PIEZO2: variants seen among roughly 807,000 people sequenced by gnomAD.
The protein encoded by PIEZO2 is piezo type mechanosensitive ion channel component 2, also known as piezo-type mechanosensitive ion channel component 2.
PIEZO2 carries 172 observed loss-of-function variants against 337.3 expected under a neutral mutation model. The observed-to-expected ratio is 0.51, with a 90% confidence interval of 0.45 to 0.58. PIEZO2 has a LOEUF of 0.58. PIEZO2 is among the 20% of genes least tolerant of loss of function. The pLI, the probability that PIEZO2 is intolerant of heterozygous loss-of-function variation, is 0.00. For missense variants in PIEZO2, 3,028 were observed against 3,391.3 expected (o/e 0.89, Z 2.66); for synonymous variants, 1,251 against 1,228.5 (o/e 1.02, Z -0.38).
chr18:11,026,578 T>C (rs1057258542), intron 2 of PIEZO2, among the ~76,000 whole-genome samples: 18 of 152,310 alleles, frequency 1.2e-4, no homozygotes, highest in African/African-American at 4.3e-4. Context: ...CTCTTGCTGT[T>C]ATTGGCCTAT....
intron 5 of PIEZO2, among the ~76,000 whole-genome samples, chr18:10,865,463 A>G (rs1347918733): frequency 6.6e-6 from 1 of 152,186 alleles, no homozygotes; most frequent in Non-Finnish European, 1.5e-5. Flanking sequence ...CTGATTTCAG[A>G]CAGAATTTGA....
intron 17 of PIEZO2, among the ~76,000 whole-genome samples, chr18:10,782,791 C>T (rs1331163845): frequency 2.6e-5 from 4 of 151,994 alleles, no homozygotes; most frequent in Non-Finnish European, 4.4e-5. Flanking sequence ...ATAGAACCTA[C>T]ATCTTGACGT....
intron 4 of PIEZO2, among the ~76,000 whole-genome samples, chr18:10,880,719 C>T (rs188922102): frequency 7.3e-5 from 11 of 151,464 alleles, no homozygotes; most frequent in African/African-American, 2.4e-4. Flanking sequence ...TTGTCTTAAA[C>T]TTAAATATGA....
intron 3 of PIEZO2, among the ~76,000 whole-genome samples, chr18:10,920,613 T>G (rs562422264): frequency 3.9e-4 from 59 of 152,280 alleles, no homozygotes; most frequent in African/African-American, 1.4e-3. Flanking sequence ...CAGGTTTCCA[T>G]GACTTCAAGT....
intron 47 of PIEZO2, 63 bp from the exon 48 acceptor site, chr18:10,691,446 G>A (rs2034822657): frequency 9.8e-6 from 15 of 1,524,814 alleles, no homozygotes; most frequent in East Asian, 4.6e-5. Flanking sequence ...AAGGATGGCA[G>A]TGTCAAATTA....
At chr18:10,820,265 C>G (rs191699847) in intron 7 of PIEZO2, among the ~76,000 whole-genome samples, 9 of 151,182 alleles carry the variant, frequency 6.0e-5, no homozygotes, top group African/African-American at 1.9e-4. Context: ...ATACATTTGT[C>G]TATGCCCACA....
rs1233886530 is a variant in PIEZO2, at chr18:10,862,036, TAAAAC to T, written c.493-4830_493-4826del. Among the ~76,000 whole-genome samples the T allele has an allele frequency of 6.6e-6, 1 of 151,632 alleles. No individual in the cohort carries two copies. Among genetic ancestry groups the T allele is most frequent in the African/African-American group, 2.4e-5 (1 of 41,256 alleles). On this transcript the variant is annotated intron_variant, in intron 5 of 55. Coordinates refer to ENST00000674853, the MANE Select transcript of PIEZO2 (RefSeq NM_001378183.1). The surrounding 1 kb of genome is among the most constrained non-coding windows in gnomAD (Gnocchi z 4.4). Reference sequence around the variant, plus strand: ...CAATCTCAAAAAAAAAATTAATAAATAAAACAAAATAATAAAAAATAAAATAGTTA... The same window carrying T: ...CAATCTCAAAAAAAAAATTAATAAATAAAATAATAAAAAATAAAATAGTTA...
chr18:10,688,252 C>T (rs759737069), intron 49 of PIEZO2, among the ~76,000 whole-genome samples: 4 of 152,200 alleles, frequency 2.6e-5, no homozygotes, highest in East Asian at 3.9e-4. Flanking sequence ...TGAGAACATG[C>T]GGTGTTTGGT....
Position 10,735,025 on chromosome 18 carries a change from C to A in PIEZO2, c.4914+207G>T, listed in dbSNP as rs377303003. ...ATTTTTCGATAGTTACTGGTGTCCA[C>A]TTAAGAGCAAGAGTCAAATAATAAG... is the stretch of plus-strand genomic sequence containing the variant. On this transcript the variant is annotated intron_variant, in intron 35 of 55. Coordinates refer to ENST00000674853, the MANE Select transcript of PIEZO2 (RefSeq NM_001378183.1). Among the ~76,000 whole-genome samples, 7 of 152,186 alleles carry A rather than the reference C, an allele frequency of 4.6e-5. No individual in the cohort carries two copies. In the East Asian group the frequency reaches 1.3e-3, roughly 29 times the overall value.
chr18:10,739,511 GA>G (rs1568004203), intron 33 of PIEZO2: 1 of 152,154 alleles, frequency 6.6e-6, no homozygotes, highest in South Asian at 2.1e-4. Context: ...CAGGTGAGGT[GA>G]AAAAACATTC....
In PIEZO2 at chr18:10,752,857, C is replaced by T. The variant is rs1245921241; in HGVS notation, c.3946G>A (p.Val1316Met). 1 of 1,536,838 alleles carries T rather than the reference C, an allele frequency of 6.5e-7. No homozygotes were observed. The highest frequency in any genetic ancestry group is 8.7e-7 in the Non-Finnish European group (1 of 1,146,720). ...CAGAAGAGGTAGCTGAAGATGATCA[C>T]TTTGGACATGTCTAAGTAAGATCTG... The part of the protein sequence containing the change: ...HCRSYLDMSK[V>M]IIFSYLFWFV... The change falls in exon 28 of 56, where the codon GTG (valine) becomes ATG (methionine). Residue 1316 changes from valine (V) to methionine (M), a missense_variant. This residue lies in a region of PIEZO2 where 1,925 missense variants were observed against 2,051.9 expected (regional missense o/e 0.94). Coordinates refer to ENST00000674853, the MANE Select transcript of PIEZO2 (RefSeq NM_001378183.1).
chr18:10,674,041 A>G (rs982893218), intron 54 of PIEZO2, among the ~76,000 whole-genome samples: 1 of 152,196 alleles, frequency 6.6e-6, no homozygotes, highest in African/African-American at 2.4e-5. Flanking sequence ...GATGGTAGGA[A>G]TCCAAGAATG....
At position 10,837,335 on chromosome 18, in the gene PIEZO2, AC is replaced by A. The variant is rs2041045882; in HGVS notation, c.917+18017del. ...AGAAAAGAAGTCCCCTGTGAGGGGA[AC>A]ACAGCATCTTCTGAGAATACCTTTT... On this transcript the variant is annotated intron_variant, in intron 7 of 55. Coordinates refer to ENST00000674853, the MANE Select transcript of PIEZO2 (RefSeq NM_001378183.1). This position sits in a 1 kb window ranked among gnomAD's most constrained non-coding sequence, Gnocchi z 4.4. Among the ~76,000 whole-genome samples the A allele has an allele frequency of 6.6e-6, 1 of 152,232 alleles. No individual in the cohort carries two copies. Among genetic ancestry groups the A allele is most frequent in the Admixed American group, 6.5e-5 (1 of 15,288 alleles).
At chr18:10,911,660 C>A (rs2030487258) in intron 3 of PIEZO2, among the ~76,000 whole-genome samples, 1 of 152,136 alleles carries the variant, frequency 6.6e-6, no homozygotes, top group South Asian at 2.1e-4. Flanking sequence ...AAGACTGAGG[C>A]AGGAGAATCA....
At chr18:11,075,749 C>T (rs950335305) in intron 1 of PIEZO2, among the ~76,000 whole-genome samples, 27 of 151,538 alleles carry the variant, frequency 1.8e-4, no homozygotes, top group African/African-American at 6.3e-4. Context: ...AACGTGCTCA[C>T]ATATGTGTGA....
chr18:10,721,310 G>C (rs971335101), intron 36 of PIEZO2, among the ~76,000 whole-genome samples: 1 of 152,162 alleles, frequency 6.6e-6, no homozygotes, highest in Non-Finnish European at 1.5e-5. Flanking sequence ...ACAACAGCTG[G>C]CACTTCAGAA....
chr18:10,691,525 T>A, intron 47 of PIEZO2, 142 bp from the exon 48 acceptor site: 1 of 844,574 alleles, frequency 1.2e-6, no homozygotes, highest in Non-Finnish European at 1.8e-6. Flanking sequence ...CTACACATAG[T>A]GGATCACTTC....
At chr18:10,820,173 G>T (rs1183565630) in intron 7 of PIEZO2, among the ~76,000 whole-genome samples, 2 of 151,932 alleles carry the variant, frequency 1.3e-5, no homozygotes, top group Non-Finnish European at 2.9e-5. Context: ...TGTTTGTTTA[G>T]ATTGGAGTTT....
At position 10,762,574 on chromosome 18, in the gene PIEZO2, G is replaced by A; in HGVS notation, c.3175C>T (p.Leu1059Phe). 2 of 1,537,470 alleles carry A rather than the reference G, an allele frequency of 1.3e-6. No individual in the cohort carries two copies. Among genetic ancestry groups the A allele is most frequent in the Non-Finnish European group, 1.7e-6 (2 of 1,146,924 alleles). The change falls in exon 23 of 56, where the codon CTC (leucine) becomes TTC (phenylalanine). Residue 1059 changes from leucine (L) to phenylalanine (F), a missense_variant. Transcript: ENST00000674853. ...GTAGGATCGATAGGAGCGCTGTAGAGCAGAGACTTGTTCAACTCATTAAAG... is the reference window on the plus strand; with the variant it reads ...GTAGGATCGATAGGAGCGCTGTAGAACAGAGACTTGTTCAACTCATTAAAG... ...IPFNELNKSLLYSAPIDPTEW... is the reference protein window; with the variant it reads ...IPFNELNKSLFYSAPIDPTEW...
Sources: gnomAD v4.1 joint callset for allele counts (sites outside exome capture counted in the v4.1 genomes callset) on GRCh38, gnomAD v4.1.1 for gene constraint, gnomAD v4.1.1 regional missense constraint, Gnocchi (gnomAD v3.1) non-coding constraint, MANE v1.5 for transcripts, NCBI Gene and HGNC (gene_info 2026-07-23, HGNC 2026-07-21) for gene names.